STK38L: variants seen among roughly 807,000 people sequenced by gnomAD.
STK38L encodes serine/threonine-protein kinase 38-like.
In STK38L, 28 loss-of-function variants were observed where a neutral mutation model predicts 59.7. That is an observed-to-expected ratio of 0.47 (90% confidence interval 0.35 to 0.64). The LOEUF (loss-of-function observed/expected upper bound fraction) is 0.64. STK38L is among the 30% of genes least tolerant of loss of function. STK38L has a pLI of 0.01. For synonymous variants in STK38L, 162 were observed against 176.8 expected, an observed-to-expected ratio of 0.92 and a Z score of 0.66; for missense variants, 314 against 555.8, an observed-to-expected ratio of 0.56 and a Z score of 4.37.
At chr12:27,264,398 A>G (rs1344935922) in intron 1 of STK38L, among the ~76,000 whole-genome samples, 1 of 152,212 alleles carries the variant, frequency 6.6e-6, no homozygotes, top group East Asian at 1.9e-4. Flanking sequence ...GAGGTTTTAA[A>G]GAACCTGAAA....
intron 1 of STK38L, among the ~76,000 whole-genome samples, chr12:27,288,849 CT>C: frequency 6.6e-6 from 1 of 151,446 alleles, no homozygotes. Flanking sequence ...TCCCTCCCCC[CT>C]GCCATTTACT....
chr12:27,283,857 C>A (rs191661710), intron 1 of STK38L, among the ~76,000 whole-genome samples: 3 of 152,116 alleles, frequency 2.0e-5, no homozygotes, highest in South Asian at 2.1e-4. Flanking sequence ...AAGGAGTTCC[C>A]ATGACCTCAT....
intron 1 of STK38L, among the ~76,000 whole-genome samples, chr12:27,280,074 A>G (rs1943621177): frequency 6.6e-6 from 1 of 152,222 alleles, no homozygotes; most frequent in Admixed American, 6.5e-5. Flanking sequence ...CTAACACAGA[A>G]GTGTTTGATA....
intron 12 of STK38L, among the ~76,000 whole-genome samples, chr12:27,321,314 CA>C (rs1944722783): frequency 6.6e-6 from 1 of 152,152 alleles, no homozygotes; most frequent in Non-Finnish European, 1.5e-5. Context: ...AACTTTTTAG[CA>C]TGATAAGAAG....
At chr12:27,256,720 G>A (rs1019285949) in intron 1 of STK38L, among the ~76,000 whole-genome samples, 1 of 152,184 alleles carries the variant, frequency 6.6e-6, no homozygotes, top group African/African-American at 2.4e-5. Flanking sequence ...ATTTTCAACT[G>A]GTTCTCATCT....
At position 27,322,632 on chromosome 12, in the gene STK38L, C is replaced by T; in HGVS notation, c.*177C>T. Reference sequence around the variant, plus strand: ...CTACTATAGGAATTGGTTGGCAGTGCCAGCTGGCTCTTTTTTTTAATATTT... The same window carrying T: ...CTACTATAGGAATTGGTTGGCAGTGTCAGCTGGCTCTTTTTTTTAATATTT... On this transcript the variant is annotated 3_prime_UTR_variant, in exon 14 of 14. Coordinates refer to ENST00000389032, the MANE Select transcript of STK38L (RefSeq NM_015000.4). 1.5e-6 allele frequency: 1 copy of T among 663,464 alleles called. No homozygotes were observed. Among genetic ancestry groups the T allele is most frequent in the Non-Finnish European group, 2.2e-6 (1 of 447,838 alleles). The allele number at this position is 663,464 out of a possible 1,614,324, so 41.1% of individuals were successfully genotyped here.
chr12:27,295,320 G>C (rs1194896793), intron 1 of STK38L, among the ~76,000 whole-genome samples: 1 of 152,162 alleles, frequency 6.6e-6, no homozygotes, highest in Non-Finnish European at 1.5e-5. Flanking sequence ...CTGTGAACCA[G>C]GCAGAGCAAA....
At chr12:27,245,703 G>A (rs759949934) in intron 1 of STK38L, 1 of 151,926 alleles carries the variant, frequency 6.6e-6, no homozygotes, top group African/African-American at 2.4e-5. Flanking sequence ...GGAGAGAGAA[G>A]TTAGTCTAAA....
chr12:27,265,218 G>T (rs1194697374), intron 1 of STK38L, among the ~76,000 whole-genome samples: 1 of 152,136 alleles, frequency 6.6e-6, no homozygotes, highest in Non-Finnish European at 1.5e-5. Context: ...TAAAGATATG[G>T]CTTTCCTTCC....
At chr12:27,250,086 C>T (rs898259538) in intron 1 of STK38L, among the ~76,000 whole-genome samples, 1 of 152,158 alleles carries the variant, frequency 6.6e-6, no homozygotes, top group Non-Finnish European at 1.5e-5. Flanking sequence ...GGTTGCTGTA[C>T]CTTTGCTATG....
intron 3 of STK38L, among the ~76,000 whole-genome samples, chr12:27,303,393 T>C (rs558951549): frequency 4.6e-5 from 7 of 152,224 alleles, no homozygotes; most frequent in Admixed American, 1.3e-4. Context: ...CAGGCATCAC[T>C]TCCACTGGGA....
intron 2 of STK38L, among the ~76,000 whole-genome samples, chr12:27,301,344 C>T (rs139050738): frequency 5.9e-5 from 9 of 152,266 alleles, no homozygotes; most frequent in East Asian, 1.9e-4. Context: ...CTGCAACCTC[C>T]GCCTCCCAGG....
rs140796327 is a variant in STK38L at position 27,273,173 on chromosome 12, G to A, written c.-11-24537G>A. Among the ~76,000 whole-genome samples, 57 of 151,816 alleles carry A rather than the reference G, an allele frequency of 3.8e-4. 1 individual carries two copies. Among genetic ancestry groups the A allele is most frequent in the African/African-American group, 1.1e-3 (45 of 41,370 alleles). On this transcript the variant is annotated intron_variant, in intron 1 of 13. Coordinates refer to ENST00000389032, the MANE Select transcript of STK38L (RefSeq NM_015000.4). ...CTTTTTTCTTTTAAACAAGGGCGGAGATTTTCTACTTTATTGATCCCTGTA... is the reference window on the plus strand; with the variant it reads ...CTTTTTTCTTTTAAACAAGGGCGGAAATTTTCTACTTTATTGATCCCTGTA...
At chr12:27,300,831 A>G (rs1457559154) in intron 2 of STK38L, among the ~76,000 whole-genome samples, 2 of 152,236 alleles carry the variant, frequency 1.3e-5, no homozygotes, top group African/African-American at 2.4e-5. Context: ...CAAATCTTCT[A>G]TAAGAAGGAA....
At chr12:27,245,607 T>C (rs1225106494) in intron 1 of STK38L, 1 of 152,156 alleles carries the variant, frequency 6.6e-6, no homozygotes, top group Non-Finnish European at 1.5e-5. Flanking sequence ...TGCCTCAGGA[T>C]ATGTAAAACA....
chr12:27,308,470 C>CTT lies in STK38L; in HGVS notation c.309+13_309+14dup. The stretch of plus-strand genomic sequence containing the variant: ...GAGGAGCTTTTGGAGAGGTGTGCTT[C>CTT]TTTTTAAAAGTCACTACTGCTGCAA... On this transcript the variant is annotated intron_variant, in intron 4 of 13. Coordinates refer to ENST00000389032, the MANE Select transcript of STK38L (RefSeq NM_015000.4). The surrounding 1 kb of genome is among the most constrained non-coding windows in gnomAD (Gnocchi z 4.5). 1 of 1,557,530 alleles carries CTT rather than the reference C, an allele frequency of 6.4e-7. No homozygotes were observed. The highest frequency in any genetic ancestry group is 1.4e-5 in the African/African-American group (1 of 71,962).
intron 9 of STK38L, among the ~76,000 whole-genome samples, chr12:27,315,636 C>CA (rs1944567532): frequency 6.6e-6 from 1 of 152,160 alleles, no homozygotes; most frequent in Admixed American, 6.5e-5. Flanking sequence ...GAGGTGAATG[C>CA]AATTGTAATG....
chr12:27,289,699 T>C (rs1565539021), intron 1 of STK38L, among the ~76,000 whole-genome samples: 1 of 152,186 alleles, frequency 6.6e-6, no homozygotes, highest in African/African-American at 2.4e-5. Context: ...TAACAGCAGA[T>C]ACAGTAAAGA....
intron 1 of STK38L, among the ~76,000 whole-genome samples, chr12:27,278,181 G>A (rs1943578251): frequency 6.6e-6 from 1 of 152,220 alleles, no homozygotes; most frequent in African/African-American, 2.4e-5. Flanking sequence ...TTGGAAGGCT[G>A]TAAGTGTAGC....
Sources: allele counts gnomAD v4.1 joint callset (sites outside exome capture counted in the v4.1 genomes callset), GRCh38; gene constraint gnomAD v4.1.1; non-coding constraint Gnocchi (gnomAD v3.1); transcripts MANE v1.5; gene names NCBI Gene and HGNC (gene_info 2026-07-23, HGNC 2026-07-21).